Variants in DMD observed in about 807,000 individuals in gnomAD.
The protein encoded by DMD is dystrophin, also known as mutant dystrophin.
In DMD, 63 loss-of-function variants were observed where a neutral mutation model predicts 330.1. The observed-to-expected ratio is 0.19, with a 90% CI of 0.16 to 0.24. DMD has a LOEUF of 0.24. DMD is among the 10% of genes least tolerant of loss of function. The pLI, the probability that DMD is intolerant of heterozygous loss-of-function variation, is 1.00. For synonymous variants in DMD, 1,223 were observed against 959.8 expected (o/e 1.27, Z -5.07); for missense variants, 3,344 against 2,684.1 (o/e 1.25, Z -5.43).
chrX:33,147,426 A>T (rs1330093813), intron 1 of DMD, among the ~76,000 whole-genome samples: 1 of 112,255 alleles, frequency 8.9e-6, no homozygotes, highest in African/African-American at 3.2e-5. Context: ...CAGTTGACAC[A>T]TTCCCCTGCT....
chrX:32,366,691 G>C (rs1425260780), intron 34 of DMD, among the ~76,000 whole-genome samples: 1 of 111,732 alleles, frequency 8.9e-6, no homozygotes, highest in Non-Finnish European at 1.9e-5. Flanking sequence ...TCCTGTGGCT[G>C]TCTTTCTGCC....
intron 2 of DMD, among the ~76,000 whole-genome samples, chrX:32,904,295 C>T (rs747380315): frequency 9.0e-6 from 1 of 111,548 alleles, no homozygotes; most frequent in East Asian, 2.8e-4. Flanking sequence ...ATCAAGAAGC[C>T]GAACATTATC....
intron 5 of DMD, among the ~76,000 whole-genome samples, chrX:32,821,557 C>CAG (rs2078254063): frequency 9.2e-6 from 1 of 108,407 alleles, no homozygotes; most frequent in East Asian, 2.9e-4. Context: ...CACTGCACTC[C>CAG]AGCCTGGGCG....
chrX:31,431,477 A>T (rs1416576926), intron 60 of DMD, among the ~76,000 whole-genome samples: 4 of 111,514 alleles, frequency 3.6e-5, no homozygotes, highest in Non-Finnish European at 1.9e-5. Flanking sequence ...GGCTCACAGC[A>T]ACCTCCGCCT....
intron 63 of DMD, among the ~76,000 whole-genome samples, chrX:31,250,911 G>A (rs1603224005): frequency 9.1e-6 from 1 of 110,240 alleles, no homozygotes; most frequent in African/African-American, 3.3e-5. Context: ...GTGAAACCCC[G>A]TCTCTACTAA....
chrX:31,602,570 GATA>G (rs999388639), intron 55 of DMD, among the ~76,000 whole-genome samples: 17 of 111,054 alleles, frequency 1.5e-4, no homozygotes, highest in Non-Finnish European at 3.2e-4. Flanking sequence ...CTACCAAGCA[GATA>G]ATAAGTTTAG....
intron 7 of DMD, among the ~76,000 whole-genome samples, chrX:32,708,611 T>G (rs1245945434): frequency 8.9e-6 from 1 of 111,850 alleles, no homozygotes; most frequent in East Asian, 2.8e-4. Flanking sequence ...ATGCCTTCAT[T>G]AAGTATTTGT....
At chrX:31,699,381 G>A (rs960601384) in intron 52 of DMD, among the ~76,000 whole-genome samples, 3 of 112,367 alleles carry the variant, frequency 2.7e-5, no homozygotes, top group African/African-American at 6.5e-5. Context: ...AACAAATGAC[G>A]TATCAATAGC....
At position 31,314,752 on chromosome X, in the gene DMD, G is replaced by C. The variant is rs1043449448; in HGVS notation, c.9224+8846C>G. On this transcript the variant is annotated intron_variant, in intron 62 of 78. Transcript: ENST00000357033. Reference sequence around the variant, plus strand: ...AAAAGAATACATACACAGAGAGAGAGAGAGAGAGAGAGAGAGAGAGAGAGA... The same window carrying C: ...AAAAGAATACATACACAGAGAGAGACAGAGAGAGAGAGAGAGAGAGAGAGA... Among the ~76,000 whole-genome samples the C allele has an allele frequency of 4.8e-3, 479 of 100,057 alleles. 12 individuals carry two copies. The highest frequency in any genetic ancestry group is 0.04 in the Admixed American group (381 of 9,440). 86.9% of individuals were successfully genotyped at this position (100,057 alleles called of 115,157 possible). A position where few individuals can be genotyped will look rare whatever the true frequency, so the allele number is the denominator to read the frequency against.
chrX:31,539,713 T>C (rs775140715), intron 55 of DMD, among the ~76,000 whole-genome samples: 1 of 112,139 alleles, frequency 8.9e-6, no homozygotes, highest in Admixed American at 9.5e-5. Flanking sequence ...TTTTGAGACA[T>C]ATTTGGCTTG....
Position 32,067,131 on chromosome X carries a change from G to C in DMD, c.6439-98617C>G, listed in dbSNP as rs1294894839. The stretch of plus-strand genomic sequence containing the variant: ...ATTTTCAGACACATGGACAAAGAAT[G>C]TTTTTATCTTTCTGACAGATTATCA... On this transcript the variant is annotated intron_variant, in intron 44 of 78. Transcript: ENST00000357033. Among the ~76,000 whole-genome samples the C allele has an allele frequency of 1.4e-4, 15 of 111,017 alleles. No individual in the cohort carries two copies. In the Admixed American group the frequency reaches 1.4e-3, roughly 11 times the overall value.
intron 63 of DMD, among the ~76,000 whole-genome samples, chrX:31,242,211 G>A (rs760984063): frequency 0.01 from 904 of 86,132 alleles, 6 homozygotes; most frequent in Middle Eastern, 0.017. Context: ...AGCCATGTTC[G>A]CACCACTGCA....
intron 44 of DMD, among the ~76,000 whole-genome samples, chrX:32,167,777 C>A (rs1240718314): frequency 9.0e-6 from 1 of 111,727 alleles, no homozygotes; most frequent in Non-Finnish European, 1.9e-5. Flanking sequence ...TGATGTTTTC[C>A]TTTTACCTTC....
At chrX:32,649,362 C>T (rs922423196) in intron 9 of DMD, among the ~76,000 whole-genome samples, 3 of 108,354 alleles carry the variant, frequency 2.8e-5, no homozygotes, top group Non-Finnish European at 5.7e-5. Flanking sequence ...AGACCATCTT[C>T]GCTAACATGG....
intron 33 of DMD, 79 bp from the exon 34 acceptor site, chrX:32,380,759 T>C (rs72468637): frequency 1.3e-6 from 1 of 781,794 alleles, no homozygotes; most frequent in African/African-American, 2.1e-5. Flanking sequence ...TTGGAACTTT[T>C]ATATTTCTGT....
chrX:31,267,723 A>G (rs1385547977), intron 62 of DMD, among the ~76,000 whole-genome samples: 3 of 112,673 alleles, frequency 2.7e-5, no homozygotes, highest in Non-Finnish European at 5.6e-5. Flanking sequence ...GAAAAGTTAC[A>G]GGGCCTGAAC....
At chrX:31,606,614 C>T (rs771118163) in intron 55 of DMD, among the ~76,000 whole-genome samples, 6 of 111,767 alleles carry the variant, frequency 5.4e-5, no homozygotes, top group East Asian at 2.8e-4. Context: ...CTAAAACCCA[C>T]GGCTTTTATT....
intron 1 of DMD, among the ~76,000 whole-genome samples, chrX:33,187,295 T>C (rs7065919): frequency 0.22 from 25,133 of 111,812 alleles, 2,612 homozygotes; most frequent in East Asian, 0.51. Context: ...CAACATTGCC[T>C]AAACATTTCT....
At chrX:32,545,786 T>A (rs1203538464) in intron 16 of DMD, among the ~76,000 whole-genome samples, 1 of 111,703 alleles carries the variant, frequency 9.0e-6, no homozygotes, top group African/African-American at 3.3e-5. Context: ...TACACATTGA[T>A]TATTTTATGT....
Sources: allele counts gnomAD v4.1 joint callset (sites outside exome capture counted in the v4.1 genomes callset), GRCh38; gene constraint gnomAD v4.1.1; transcripts MANE v1.5; gene names NCBI Gene and HGNC (gene_info 2026-07-23, HGNC 2026-07-21).